TFIP11: variants seen among roughly 807,000 people sequenced by gnomAD.
TFIP11 encodes tuftelin interacting protein 11, also known as tuftelin-interacting protein 11.
Under a neutral mutation model 96.8 loss-of-function variants are expected in TFIP11, and 86 were observed. The observed-to-expected ratio is 0.89, with a 90% CI of 0.75 to 1.06. The LOEUF is 1.06. Ranked by LOEUF, TFIP11 falls within the 50% of genes least tolerant of loss-of-function variation. TFIP11 has a pLI of 0.00. For missense variants in TFIP11, 881 were observed against 1,076.7 expected (o/e 0.82, Z 2.54); for synonymous variants, 405 against 395.2 (o/e 1.02, Z -0.29).
chr22:26,492,372 A>C lies in TFIP11; in HGVS notation c.2159-4T>G. The C allele has an allele frequency of 6.2e-7, 1 of 1,613,766 alleles. No homozygotes were observed. Among genetic ancestry groups the C allele is most frequent in the Non-Finnish European group, 8.5e-7 (1 of 1,179,696 alleles). ...GCTCCTGGCTGCATGTAGGCACCTAAGATACAGGAGGACAGGGCGGTGAGG... is the reference window on the plus strand; with the variant it reads ...GCTCCTGGCTGCATGTAGGCACCTACGATACAGGAGGACAGGGCGGTGAGG... On this transcript the variant is annotated splice_polypyrimidine_tract_variant and splice_region_variant and intron_variant, in intron 14 of 14. Transcript: ENST00000407690.
At position 26,491,901 on chromosome 22, in the gene TFIP11, G is replaced by T; in HGVS notation, c.*112C>A. ...CCCTCATGACCTGGCCTGATGTGGAGTAGCTCCTGAGTAAAGAAGTTACCC... is the reference window on the plus strand; with the variant it reads ...CCCTCATGACCTGGCCTGATGTGGATTAGCTCCTGAGTAAAGAAGTTACCC... On this transcript the variant is annotated 3_prime_UTR_variant, in exon 15 of 15. Transcript: ENST00000407690. 2 of 1,135,678 alleles carry T rather than the reference G, an allele frequency of 1.8e-6. No individual in the cohort carries two copies. Among genetic ancestry groups the T allele is most frequent in the Non-Finnish European group, 2.5e-6 (2 of 804,950 alleles). The allele number at this position is 1,135,678 out of a possible 1,614,324, so 70.4% of individuals were successfully genotyped here.
Position 26,494,820 on chromosome 22 carries a change from G to A in TFIP11, c.1969C>T (p.His657Tyr), listed in dbSNP as rs765584384. 6.2e-7 allele frequency: 1 copy of A among 1,614,178 alleles called. No individual in the cohort carries two copies. Among genetic ancestry groups the A allele is most frequent in the Non-Finnish European group, 8.5e-7 (1 of 1,180,024 alleles). Residue 657 changes from histidine to tyrosine, a missense_variant, in exon 13 of 15, where the codon CAC becomes TAC. His to Tyr is a moderately conservative substitution (Grantham distance 83). Transcript: ENST00000407690. ...VSSLVGLLEKHFFPKWLQVLC... is the reference protein window; with the variant it reads ...VSSLVGLLEKYFFPKWLQVLC... Reference sequence around the variant, plus strand: ...ACCTGAAGCCACTTGGGGAAGAAGTGCTTTTCAAGAAGTCCCACCAGGCTA... The same window carrying A: ...ACCTGAAGCCACTTGGGGAAGAAGTACTTTTCAAGAAGTCCCACCAGGCTA...
rs113916646 is a variant in TFIP11 at position 26,509,385 on chromosome 22, T to C, written c.209+679A>G. Among the ~76,000 whole-genome samples, 259 of 152,346 alleles carry C rather than the reference T, an allele frequency of 1.7e-3. 2 individuals carry two copies. Among genetic ancestry groups the C allele is most frequent in the African/African-American group, 5.3e-3 (220 of 41,580 alleles). ...ACCTCTCAGAATAGATGAAATGCCC[T>C]AAAATGTGTTCTCCCTCATGTCCTC... On this transcript the variant is annotated intron_variant, in intron 4 of 14. Coordinates refer to ENST00000407690, the MANE Select transcript of TFIP11 (RefSeq NM_012143.4).
At chr22:26,493,776 C>CA (rs1310305804) in intron 14 of TFIP11, 1 of 221,748 alleles carries the variant, frequency 4.5e-6, no homozygotes, top group African/African-American at 2.3e-5. Context: ...GACCGCGTGC[C>CA]AAACTCCACA....
At position 26,506,847 on chromosome 22, in the gene TFIP11, A is replaced by C. The variant is rs751785239; in HGVS notation, c.291T>G (p.Asp97Glu). 6 of 1,614,106 alleles carry C rather than the reference A, an allele frequency of 3.7e-6. No individual in the cohort carries two copies. In the African/African-American group the frequency reaches 8.0e-5, roughly 22 times the overall value. Reference sequence around the variant, plus strand: ...TAACAGGTTTCTCTTCGTCATCAGAATCTTCCAACTCTGCCTCCTCCGCTG... The same window carrying C: ...TAACAGGTTTCTCTTCGTCATCAGACTCTTCCAACTCTGCCTCCTCCGCTG... Reference protein sequence around the residue: ...KGAAEEAELEDSDDEEKPVKQ... With the variant: ...KGAAEEAELEESDDEEKPVKQ... The change falls in exon 5 of 15, where the codon GAT (aspartate) becomes GAG (glutamate). Residue 97 changes from aspartate to glutamate, a missense_variant. Physicochemically the swap from Asp to Glu is conservative, Grantham distance 45. Transcript: ENST00000407690.
intron 8 of TFIP11, among the ~76,000 whole-genome samples, chr22:26,501,258 T>C (rs1216629587): frequency 6.6e-6 from 1 of 152,170 alleles, no homozygotes. Context: ...AAGAAAATAC[T>C]CAATGCTGGC....
chr22:26,496,796 A>G lies in TFIP11; in HGVS notation c.1530T>C (p.Ser510=), dbSNP rs980007118. Residue 510 remains serine, a synonymous_variant, in exon 11 of 15, where the codon AGT becomes AGC. Coordinates refer to ENST00000407690, the MANE Select transcript of TFIP11 (RefSeq NM_012143.4). ...NCDPMVDFLD[S]WVHIIPVWIL... ...TCCACACAGGAATAATGTGCACCCA[A>G]CTATCCAAAAAGTCCACCATCGGGT... The G allele has an allele frequency of 1.4e-5, 23 of 1,613,994 alleles. No homozygotes were observed. The African/African-American group carries it at 2.1e-4, about 15-fold the overall frequency.
rs1039307215 is a variant in TFIP11 at position 26,510,159 on chromosome 22, G to A, written c.114C>T (p.Asn38=). The change falls in exon 4 of 15, where the codon AAC becomes AAT. Residue 38 remains asparagine, a synonymous_variant. Coordinates refer to ENST00000407690, the MANE Select transcript of TFIP11 (RefSeq NM_012143.4). ...DWDLQNEFNP[N]RQRHWQTKEE... ...CCTTGGTCTGCCAGTGGCGCTGTCGGTTGGGGTTGAACTCATTCTGGAGAT... is the reference window on the plus strand; with the variant it reads ...CCTTGGTCTGCCAGTGGCGCTGTCGATTGGGGTTGAACTCATTCTGGAGAT... The A allele has an allele frequency of 6.2e-7, 1 of 1,614,048 alleles. No individual in the cohort carries two copies. Among genetic ancestry groups the A allele is most frequent in the African/African-American group, 1.3e-5 (1 of 74,918 alleles).
At chr22:26,507,399 A>G (rs1281034103) in intron 4 of TFIP11, among the ~76,000 whole-genome samples, 1 of 152,178 alleles carries the variant, frequency 6.6e-6, no homozygotes, top group Non-Finnish European at 1.5e-5. Context: ...GCTCCTAGCC[A>G]TTAAATTTAT....
At chr22:26,509,322 A>C (rs533801370) in intron 4 of TFIP11, among the ~76,000 whole-genome samples, 47 of 152,208 alleles carry the variant, frequency 3.1e-4, no homozygotes, top group African/African-American at 1.4e-4. Context: ...CAGTCATATC[A>C]GCTTAAGGGT....
intron 6 of TFIP11, among the ~76,000 whole-genome samples, chr22:26,505,563 A>G (rs1015095256): frequency 6.6e-5 from 10 of 152,146 alleles, no homozygotes; most frequent in African/African-American, 2.4e-4. Flanking sequence ...CTCCAAGAGA[A>G]GGCCATGTCC....
At chr22:26,503,943 A>G (rs1168163289) in intron 6 of TFIP11, 150 bp from the exon 7 acceptor site, 1 of 1,017,162 alleles carries the variant, frequency 9.8e-7, no homozygotes, top group African/African-American at 1.6e-5. Flanking sequence ...CCCTCAGAAC[A>G]CTACTCTTGT....
rs747972427 is a variant in TFIP11, at chr22:26,496,212, G to A, written c.1710C>T (p.Ile570=). The change falls in exon 12 of 15, where the codon ATC becomes ATT. Residue 570 remains isoleucine (I), a synonymous_variant. Coordinates refer to ENST00000407690, the MANE Select transcript of TFIP11 (RefSeq NM_012143.4). ...GCAGGGCGCTGGACAGCTTACTACGGATGGGGGAATAGAGTGGCTCCAGCC... is the reference window on the plus strand; with the variant it reads ...GCAGGGCGCTGGACAGCTTACTACGAATGGGGGAATAGAGTGGCTCCAGCC... ...QARLEPLYSP[I]RSKLSSALQK... 6.2e-7 allele frequency: 1 copy of A among 1,614,034 alleles called. No homozygotes were observed. The highest frequency in any genetic ancestry group is 8.5e-7 in the Non-Finnish European group (1 of 1,180,022).
intron 5 of TFIP11, 118 bp from the exon 6 acceptor site, chr22:26,506,577 T>G (rs1923438141): frequency 7.3e-7 from 1 of 1,378,632 alleles, no homozygotes; most frequent in Non-Finnish European, 9.8e-7. Context: ...AAGTGTCATA[T>G]GAACCAAAAA....
At chr22:26,495,307 G>T (rs527239747) in intron 12 of TFIP11, among the ~76,000 whole-genome samples, 1 of 104,902 alleles carries the variant, frequency 9.5e-6, no homozygotes, top group Non-Finnish European at 1.7e-5. Flanking sequence ...TTGAGACAGG[G>T]TCTCACTGTT....
chr22:26,507,025 A>G, intron 4 of TFIP11, 97 bp from the exon 5 acceptor site: 1 of 1,389,736 alleles, frequency 7.2e-7, no homozygotes, highest in Non-Finnish European at 9.8e-7. Context: ...GACTCCTTAG[A>G]GTGAATCTCA....
At chr22:26,508,305 G>A (rs1007093157) in intron 4 of TFIP11, among the ~76,000 whole-genome samples, 1 of 152,154 alleles carries the variant, frequency 6.6e-6, no homozygotes, top group Non-Finnish European at 1.5e-5. Flanking sequence ...CCTCTGCCTA[G>A]TTGTATGACC....
At chr22:26,502,994 G>A (rs752087669) in intron 7 of TFIP11, among the ~76,000 whole-genome samples, 4 of 152,180 alleles carry the variant, frequency 2.6e-5, no homozygotes, top group Non-Finnish European at 4.4e-5. Flanking sequence ...GTGACATGAA[G>A]AGTAACATGT....
At position 26,491,624 on chromosome 22, in the gene TFIP11, C is replaced by A. The variant is rs569715425; in HGVS notation, c.*389G>T. 1 of 1,613,884 alleles carries A rather than the reference C, an allele frequency of 6.2e-7. No individual in the cohort carries two copies. ...AACCAGATTATCAGGACTGTGAGGA[C>A]CTTGAAATCATCAGGAACAAGAGAG... On this transcript the variant is annotated 3_prime_UTR_variant, in exon 15 of 15. Coordinates refer to ENST00000407690, the MANE Select transcript of TFIP11 (RefSeq NM_012143.4).
Sources: allele counts gnomAD v4.1 joint callset (sites outside exome capture counted in the v4.1 genomes callset), GRCh38; gene constraint gnomAD v4.1.1; transcripts MANE v1.5; gene names NCBI Gene and HGNC (gene_info 2026-07-23, HGNC 2026-07-21).